SNTG2: variants seen among roughly 807,000 people sequenced by gnomAD.
SNTG2 encodes gamma-2-syntrophin.
SNTG2 carries 74 observed loss-of-function variants against 70.9 expected under a neutral mutation model. That is an observed-to-expected ratio of 1.04 (90% CI 0.86 to 1.27). The LOEUF (loss-of-function observed/expected upper bound fraction) is 1.27. SNTG2 is among the 50% of genes most tolerant of loss of function. The pLI is 0.00. For synonymous variants in SNTG2, 278 were observed against 273.8 expected (o/e 1.02, Z -0.15); for missense variants, 717 against 690.7 (o/e 1.04, Z -0.43).
At chr2:981,892 C>T (rs933415713) in intron 1 of SNTG2, among the ~76,000 whole-genome samples, 3 of 152,172 alleles carry the variant, frequency 2.0e-5, no homozygotes, top group Admixed American at 6.5e-5. Flanking sequence ...CATTCACATG[C>T]GTTTGTGCAC....
intron 16 of SNTG2, among the ~76,000 whole-genome samples, chr2:1,327,876 G>A (rs1406886780): frequency 1.3e-5 from 2 of 152,124 alleles, no homozygotes; most frequent in Non-Finnish European, 2.9e-5. Flanking sequence ...GTCTGTTCTT[G>A]TATTGCTCTA....
intron 9 of SNTG2, among the ~76,000 whole-genome samples, chr2:1,226,563 C>A (rs538299163): frequency 6.6e-6 from 1 of 152,018 alleles, no homozygotes; most frequent in African/African-American, 2.4e-5. Flanking sequence ...CTCCTGGACA[C>A]GGAAGCCTGT....
chr2:1,098,851 C>T (rs1371460779), intron 4 of SNTG2, among the ~76,000 whole-genome samples: 2 of 152,306 alleles, frequency 1.3e-5, no homozygotes, highest in Non-Finnish European at 2.9e-5. Flanking sequence ...GGGGCTGAAA[C>T]GCCGTCCGTT....
At chr2:1,030,693 A>G (rs112237876) in intron 1 of SNTG2, among the ~76,000 whole-genome samples, 37 of 152,322 alleles carry the variant, frequency 2.4e-4, no homozygotes, top group African/African-American at 8.4e-4. Flanking sequence ...ATCTACAATT[A>G]TTTCAAAATA....
At chr2:1,154,411 T>G (rs559561333) in intron 6 of SNTG2, among the ~76,000 whole-genome samples, 64 of 152,304 alleles carry the variant, frequency 4.2e-4, no homozygotes, top group African/African-American at 1.5e-3. Flanking sequence ...AGATTGAGAT[T>G]ATGAATGAAA....
chr2:1,195,966 G>T (rs899644847), intron 8 of SNTG2, among the ~76,000 whole-genome samples: 8 of 152,002 alleles, frequency 5.3e-5, no homozygotes, highest in Admixed American at 2.0e-4. Flanking sequence ...ATACCATGAA[G>T]AAGTTAACTC....
chr2:1,197,503 GTA>G (rs1337853335), intron 8 of SNTG2, among the ~76,000 whole-genome samples: 2 of 103,832 alleles, frequency 1.9e-5, no homozygotes, highest in African/African-American at 6.4e-5. Flanking sequence ...GTATATATGT[GTA>G]TGTATATATA....
At chr2:1,190,876 T>C (rs1233781167) in intron 8 of SNTG2, among the ~76,000 whole-genome samples, 1 of 152,144 alleles carries the variant, frequency 6.6e-6, no homozygotes, top group Non-Finnish European at 1.5e-5. Context: ...GAAGCAGATA[T>C]AAATTAGTGC....
intron 8 of SNTG2, among the ~76,000 whole-genome samples, chr2:1,184,712 G>GC (rs1672139053): frequency 6.6e-6 from 1 of 152,116 alleles, no homozygotes; most frequent in African/African-American, 2.4e-5. Context: ...GAGAAAATCT[G>GC]CCCCCACGAT....
In SNTG2 at chr2:1,089,185, G is replaced by A. The variant is rs144580831; in HGVS notation, c.210+5530G>A. ...ATCTGTCATCACTTGGATAGTGGCC[G>A]ACTCTTACAAAATTTACCTTCACCT... is the stretch of plus-strand genomic sequence containing the variant. On this transcript the variant is annotated intron_variant, in intron 2 of 16. Transcript: ENST00000308624. Among the ~76,000 whole-genome samples, 263 of 152,268 alleles carry A rather than the reference G, an allele frequency of 1.7e-3. 2 individuals are homozygous for A. Among genetic ancestry groups the A allele is most frequent in the African/African-American group, 6.0e-3 (250 of 41,530 alleles).
chr2:1,152,524 G>T (rs1387169282), intron 6 of SNTG2, among the ~76,000 whole-genome samples: 1 of 152,102 alleles, frequency 6.6e-6, no homozygotes, highest in Non-Finnish European at 1.5e-5. Flanking sequence ...ACATGTGTGT[G>T]CATGTGTATT....
At chr2:1,322,218 A>G (rs1327489141) in intron 16 of SNTG2, among the ~76,000 whole-genome samples, 3 of 152,242 alleles carry the variant, frequency 2.0e-5, no homozygotes, top group Admixed American at 1.3e-4. Flanking sequence ...AAAGTTTTCA[A>G]AATGGTAAAT....
chr2:1,162,248 G>A (rs1018354474), intron 6 of SNTG2, among the ~76,000 whole-genome samples: 1 of 152,188 alleles, frequency 6.6e-6, no homozygotes, highest in Non-Finnish European at 1.5e-5. Context: ...ACTGGGGAAA[G>A]TCACTGAATA....
At chr2:1,301,658 C>A (rs1680459856) in intron 14 of SNTG2, among the ~76,000 whole-genome samples, 1 of 152,140 alleles carries the variant, frequency 6.6e-6, no homozygotes, top group Admixed American at 6.5e-5. Context: ...TCATCAGACA[C>A]TACAGAGGCC....
chr2:1,278,200 T>G lies in SNTG2; in HGVS notation c.1284+10629T>G, dbSNP rs542726607. Among the ~76,000 whole-genome samples, 106 of 152,342 alleles carry G rather than the reference T, an allele frequency of 7.0e-4. 1 individual carries two copies. The highest frequency in any genetic ancestry group is 2.5e-3 in the African/African-American group (104 of 41,580). ...TCACAGTACACAAGTAACCTCATTT[T>G]GGGACAACTCAATCAAGTAACTGGC... On this transcript the variant is annotated intron_variant, in intron 14 of 16. Coordinates refer to ENST00000308624, the MANE Select transcript of SNTG2 (RefSeq NM_018968.4).
At chr2:1,040,851 A>T (rs1403081271) in intron 1 of SNTG2, among the ~76,000 whole-genome samples, 1 of 152,158 alleles carries the variant, frequency 6.6e-6, no homozygotes, top group Non-Finnish European at 1.5e-5. Flanking sequence ...CTTCAAAAAT[A>T]TGCCTGTGTG....
chr2:986,335 C>T (rs1661323676), intron 1 of SNTG2, among the ~76,000 whole-genome samples: 1 of 152,172 alleles, frequency 6.6e-6, no homozygotes, highest in Non-Finnish European at 1.5e-5. Flanking sequence ...GGTAACTTTA[C>T]CCTTTAGAGA....
intron 4 of SNTG2, among the ~76,000 whole-genome samples, chr2:1,106,424 T>G: frequency 8.2e-6 from 1 of 121,328 alleles, no homozygotes; most frequent in East Asian, 2.4e-4. Flanking sequence ...GAGAGCTCCT[T>G]GATAATAATG....
intron 6 of SNTG2, among the ~76,000 whole-genome samples, chr2:1,151,742 A>T (rs1027820458): frequency 6.6e-6 from 1 of 152,070 alleles, no homozygotes; most frequent in African/African-American, 2.4e-5. Flanking sequence ...TGTTACTTTC[A>T]TGAACCTGGT....
Sources: allele counts gnomAD v4.1 joint callset (sites outside exome capture counted in the v4.1 genomes callset), GRCh38; gene constraint gnomAD v4.1.1; transcripts MANE v1.5; gene names NCBI Gene and HGNC (gene_info 2026-07-23, HGNC 2026-07-21).